EBNA1BP2: variants seen among roughly 807,000 people sequenced by gnomAD.
The protein encoded by EBNA1BP2 is EBNA1 binding protein 2.
EBNA1BP2 carries 36 observed loss-of-function variants against 43.5 expected under a neutral mutation model. The observed-to-expected ratio is 0.83, with a 90% confidence interval of 0.63 to 1.09. EBNA1BP2 has a LOEUF of 1.09. Ranked by LOEUF, EBNA1BP2 falls within the 50% of genes least tolerant of loss-of-function variation. The pLI is 0.00. For synonymous variants in EBNA1BP2, 127 were observed against 141.3 expected (o/e 0.90, Z 0.72); for missense variants, 332 against 379.1 (o/e 0.88, Z 1.03).
Position 43,167,148 on chromosome 1 carries a change from A to G in EBNA1BP2, c.613+12T>C. ...CCTGCTACCCTCGTTCCCCTATTAG[A>G]GATGTACCAACCTTTCTGATATTTC... On this transcript the variant is annotated intron_variant, in intron 6 of 8. Transcript: ENST00000236051. 6.2e-7 allele frequency: 1 copy of G among 1,612,936 alleles called. No individual in the cohort carries two copies. Among genetic ancestry groups the G allele is most frequent in the Non-Finnish European group, 8.5e-7 (1 of 1,179,006 alleles).
In EBNA1BP2 at chr1:43,169,114, C is replaced by T; in HGVS notation, c.448-86G>A. 3 of 1,382,326 alleles carry T rather than the reference C, an allele frequency of 2.2e-6. No homozygotes were observed. In the Admixed American group the frequency reaches 5.1e-5, roughly 23 times the overall value. The allele number at this position is 1,382,326 out of a possible 1,614,324, so 85.6% of individuals were successfully genotyped here. A position where few individuals can be genotyped will look rare whatever the true frequency, so the allele number is the denominator to read the frequency against. The stretch of plus-strand genomic sequence containing the variant: ...TTCGCTAGAGCAGGGAACAGATATT[C>T]CCTGTTCTTTAAACTGCGGAACTTA... On this transcript the variant is annotated intron_variant, in intron 4 of 8. Coordinates refer to ENST00000236051, the MANE Select transcript of EBNA1BP2 (RefSeq NM_006824.3).
intron 6 of EBNA1BP2, 60 bp downstream of exon 6, chr1:43,167,100 G>A (rs1437873543): frequency 1.9e-6 from 3 of 1,568,874 alleles, no homozygotes; most frequent in East Asian, 4.5e-5. Context: ...AAAGCACTAA[G>A]TGTTCAAATC....
Position 43,171,931 on chromosome 1 carries a change from G to C in EBNA1BP2, c.105C>G (p.Gly35=), listed in dbSNP as rs1460696652. The C allele has an allele frequency of 6.2e-7, 1 of 1,614,146 alleles. No homozygotes were observed. Among genetic ancestry groups the C allele is most frequent in the Non-Finnish European group, 8.5e-7 (1 of 1,180,014 alleles). ...TCGGCCCCTCTAGCACGACATTGAG[G>C]CCTGGCTTCAGAAGCCCTCGGGAAA... ...DAFSRGLLKP[G]LNVVLEGPKK... The change falls in exon 2 of 9, where the codon GGC becomes GGG. Residue 35 remains glycine, a synonymous_variant. Coordinates refer to ENST00000236051, the MANE Select transcript of EBNA1BP2 (RefSeq NM_006824.3).
intron 2 of EBNA1BP2, 38 bp from the exon 3 acceptor site, chr1:43,171,689 TC>T: frequency 1.2e-6 from 2 of 1,602,466 alleles, no homozygotes; most frequent in Non-Finnish European, 1.7e-6. Context: ...AGAAGGGAAC[TC>T]TGAGTTTGTC....
chr1:43,165,390 G>C (rs540219767), intron 7 of EBNA1BP2, among the ~76,000 whole-genome samples: 128 of 152,260 alleles, frequency 8.4e-4, no homozygotes, highest in Admixed American at 4.1e-3. Flanking sequence ...TGAGGCTGGC[G>C]CTGCTCCCAC....
In EBNA1BP2 at chr1:43,171,967, CAA is replaced by C; in HGVS notation, c.67_68del (p.Leu23AlafsTer45). Reference sequence around the variant, plus strand: ...GAAGCCCTCGGGAAAACGCATCCTGCAACTGCAGGACACAATCACGGTCACTC... The same window carrying C: ...GAAGCCCTCGGGAAAACGCATCCTGCCTGCAGGACACAATCACGGTCACTC... ...SDESLVTDRE[L>X]QDAFSRGLLK... is the part of the protein sequence containing the mutation. On this transcript the variant is annotated frameshift_variant and splice_region_variant, in exon 2 of 9. Coordinates refer to ENST00000236051, the MANE Select transcript of EBNA1BP2 (RefSeq NM_006824.3). LOFTEE classifies it high-confidence loss of function. The C allele has an allele frequency of 6.2e-7, 1 of 1,614,180 alleles. No homozygotes were observed. Among genetic ancestry groups the C allele is most frequent in the South Asian group, 1.1e-5 (1 of 91,082 alleles).
chr1:43,170,808 C>A lies in EBNA1BP2; in HGVS notation c.395G>T (p.Arg132Leu). The A allele has an allele frequency of 1.2e-6, 2 of 1,607,638 alleles. No homozygotes were observed. Among genetic ancestry groups the A allele is most frequent in the South Asian group, 2.2e-5 (2 of 89,712 alleles). ...CATTTCCGCAAAATAATCAGTGGGT[C>A]GCTTCGTAGGGACTTTGAGCTGATG... ...RLHQLKVPTK[R>L]PTDYFAEMAK... The change falls in exon 4 of 9, where the codon CGA becomes CTA. Residue 132 changes from arginine (R) to leucine (L), a missense_variant. Arg to Leu is a moderately radical substitution (Grantham distance 102). Coordinates refer to ENST00000236051, the MANE Select transcript of EBNA1BP2 (RefSeq NM_006824.3).
At chr1:43,164,948 A>T (rs1291121624) in intron 7 of EBNA1BP2, 143 bp from the exon 8 acceptor site, 1 of 1,024,916 alleles carries the variant, frequency 9.8e-7, no homozygotes, top group Non-Finnish European at 1.4e-6. Context: ...TGGCCCCACA[A>T]TCCTATGCTA....
rs759104670 is a variant in EBNA1BP2 at position 43,164,680 on chromosome 1, C to T, written c.833G>A (p.Gly278Asp). Reference sequence around the variant, plus strand: ...CTTGCCAGGCCTCTTGAGGCCTCTGCCATGAGCTGTCTTGGCCCGGAAGCT... The same window carrying T: ...CTTGCCAGGCCTCTTGAGGCCTCTGTCATGAGCTGTCTTGGCCCGGAAGCT... ...VSSFRAKTAH[G>D]RGLKRPGKKG... The change falls in exon 8 of 9, where the codon GGC (glycine) becomes GAC (aspartate). Residue 278 changes from glycine (G) to aspartate (D), a missense_variant. Coordinates refer to ENST00000236051, the MANE Select transcript of EBNA1BP2 (RefSeq NM_006824.3). 6.2e-7 allele frequency: 1 copy of T among 1,614,208 alleles called. No individual in the cohort carries two copies. Among genetic ancestry groups the T allele is most frequent in the South Asian group, 1.1e-5 (1 of 91,084 alleles).
At chr1:43,169,157 C>T in intron 4 of EBNA1BP2, 129 bp from the exon 5 acceptor site, 1 of 966,774 alleles carries the variant, frequency 1.0e-6, no homozygotes, top group East Asian at 2.4e-5. Flanking sequence ...TCAGTTCCAA[C>T]CCCTGAGGAC....
At chr1:43,167,121 T>C in intron 6 of EBNA1BP2, 39 bp downstream of exon 6, 1 of 1,598,500 alleles carries the variant, frequency 6.3e-7, no homozygotes, top group Non-Finnish European at 8.6e-7. Flanking sequence ...AACTCTAAAG[T>C]ACCTGCTACC....
rs768277562 is a variant in EBNA1BP2 at position 43,164,804 on chromosome 1, G to A, written c.709C>T (p.Pro237Ser). 6.2e-7 allele frequency: 1 copy of A among 1,614,124 alleles called. No homozygotes were observed. Among genetic ancestry groups the A allele is most frequent in the Non-Finnish European group, 8.5e-7 (1 of 1,180,000 alleles). Reference protein sequence around the residue: ...GAKGQQMRKGPSAKRRYKNQK... With the variant: ...GAKGQQMRKGSSAKRRYKNQK... The stretch of plus-strand genomic sequence containing the variant: ...TTTTTATACCGTCGTTTAGCACTGG[G>A]CCTGGAAAAGAATGGTCCTAGACAT... Residue 237 changes from proline to serine, a missense_variant and splice_region_variant, in exon 8 of 9, where the codon CCC (proline) becomes TCC (serine). By Grantham distance (74) the Pro-to-Ser change is moderately conservative. Around this residue, in one of 3 missense-constraint regions of EBNA1BP2, gnomAD observed 91 missense variants for 152.1 expected, o/e 0.60. Transcript: ENST00000236051.
chr1:43,172,040 G>A lies in EBNA1BP2; in HGVS notation c.66+13C>T. 6.2e-7 allele frequency: 1 copy of A among 1,613,970 alleles called. No individual in the cohort carries two copies. Among genetic ancestry groups the A allele is most frequent in the Non-Finnish European group, 8.5e-7 (1 of 1,179,948 alleles). ...CTCCCACGCCCAGCCCCACGAGCTCGGCTGACACCTACCTCTCTGTCTGTG... is the reference window on the plus strand; with the variant it reads ...CTCCCACGCCCAGCCCCACGAGCTCAGCTGACACCTACCTCTCTGTCTGTG... On this transcript the variant is annotated intron_variant, in intron 1 of 8. Transcript: ENST00000236051.
In EBNA1BP2 at chr1:43,172,190, CGGCCCTG is replaced by C; in HGVS notation, c.-79_-73del. On this transcript the variant is annotated 5_prime_UTR_variant, in exon 1 of 9. Transcript: ENST00000236051. ...CGAGACCCAAGCGGCTAGCAGAGGG[CGGCCCTG>C]GCCGCTGCTGCCTGCCTTCAGCCCC... 1 of 1,603,156 alleles carries C rather than the reference CGGCCCTG, an allele frequency of 6.2e-7. No individual in the cohort carries two copies.
intron 5 of EBNA1BP2, among the ~76,000 whole-genome samples, chr1:43,168,247 C>T (rs1644931230): frequency 6.6e-6 from 1 of 152,200 alleles, no homozygotes; most frequent in African/African-American, 2.4e-5. Flanking sequence ...CAGCCCAGAT[C>T]ACAAGTGCTT....
At chr1:43,172,557 G>T (rs1569746203), upstream of EBNA1BP2, 1 of 705,892 alleles carries the variant, frequency 1.4e-6, no homozygotes, top group Admixed American at 2.5e-5. Context: ...CGCGGAGGAG[G>T]ACCCCGGGGG....
At position 43,168,951 on chromosome 1, in the gene EBNA1BP2, T is replaced by C. The variant is rs771119932; in HGVS notation, c.525A>G (p.Lys175=). Residue 175 remains lysine, a synonymous_variant, in exon 5 of 9, where the codon AAA becomes AAG. Transcript: ENST00000236051. ...EKAKQLRALR[K]YGKKVQTEVL... is the part of the protein sequence containing the mutation. ...CTTTTCTTCTCACCTTCTTCCCGTA[T>C]TTCCTAAGTGCTCGCAGTTGCTTAG... The C allele has an allele frequency of 2.5e-6, 4 of 1,614,054 alleles. No individual in the cohort carries two copies. In the East Asian group the frequency reaches 8.9e-5, roughly 36 times the overall value.
At chr1:43,169,707 C>G (rs1234249902) in intron 4 of EBNA1BP2, among the ~76,000 whole-genome samples, 2 of 152,152 alleles carry the variant, frequency 1.3e-5, no homozygotes, top group Non-Finnish European at 2.9e-5. Context: ...CCTTTAAAGT[C>G]AGAGGACCTC....
chr1:43,164,989 C>G (rs1034352397), intron 7 of EBNA1BP2, among the ~76,000 whole-genome samples, 184 bp from the exon 8 acceptor site: 1 of 152,146 alleles, frequency 6.6e-6, no homozygotes, highest in Admixed American at 6.5e-5. Context: ...ATCTAGCTCA[C>G]CTATTTACAG....
Sources: gnomAD v4.1 joint callset for allele counts (sites outside exome capture counted in the v4.1 genomes callset) on GRCh38, gnomAD v4.1.1 for gene constraint, gnomAD v4.1.1 regional missense constraint, MANE v1.5 for transcripts, NCBI Gene and HGNC (gene_info 2026-07-23, HGNC 2026-07-21) for gene names.